The following PARD3B variants were observed in gnomAD, a reference collection of about 807,000 sequenced individuals.
PARD3B encodes par-3 family cell polarity regulator beta.
A neutral mutation model predicts 130.2 loss-of-function variants in PARD3B; 103 were observed. The ratio of observed to expected loss-of-function variants is 0.79; its 90% CI spans 0.67 to 0.93. The LOEUF is 0.93. Among genes scored for constraint, PARD3B ranks in the 40% least tolerant of loss-of-function variants. The pLI, the probability that PARD3B is intolerant of heterozygous loss-of-function variation, is 0.00. For missense variants in PARD3B, 1,609 were observed against 1,499.2 expected (o/e 1.07, Z -1.21); for synonymous variants, 583 against 553.2 (o/e 1.05, Z -0.76).
chr2:205,231,525 TG>T (rs1453204192), intron 15 of PARD3B, among the ~76,000 whole-genome samples: 1 of 148,206 alleles, frequency 6.7e-6, no homozygotes, highest in Non-Finnish European at 1.5e-5. Flanking sequence ...TTTGTAGAGA[TG>T]GGGTTTTGCC....
At chr2:204,754,948 C>G in intron 2 of PARD3B, among the ~76,000 whole-genome samples, 1 of 152,056 alleles carries the variant, frequency 6.6e-6, no homozygotes, top group South Asian at 2.1e-4. Context: ...TTTTGAAAAC[C>G]GAGTTCCTCA....
intron 1 of PARD3B, among the ~76,000 whole-genome samples, chr2:204,596,303 C>T (rs2033286123): frequency 6.6e-6 from 1 of 152,210 alleles, no homozygotes; most frequent in South Asian, 2.1e-4. Context: ...TCATTAACCA[C>T]TGATCAATGT....
At chr2:204,612,218 C>T (rs1011689242) in intron 1 of PARD3B, among the ~76,000 whole-genome samples, 6 of 152,174 alleles carry the variant, frequency 3.9e-5, no homozygotes, top group South Asian at 2.1e-4. Context: ...GTTGTTGCCT[C>T]GATGTAGAAT....
At position 205,265,292 on chromosome 2, in the gene PARD3B, G is replaced by A. The variant is rs928022329; in HGVS notation, c.2185+19470G>A. 7.2e-5 allele frequency among the ~76,000 whole-genome samples: 11 copies of A among 152,008 alleles called. No individual in the cohort carries two copies. The highest frequency in any genetic ancestry group is 1.3e-4 in the Non-Finnish European group (9 of 67,926). On this transcript the variant is annotated intron_variant, in intron 16 of 22. Transcript: ENST00000406610. This position sits in a 1 kb window ranked among gnomAD's most constrained non-coding sequence, Gnocchi z 4.3. ...TACACACGAGCCTTCAGGGAAGATT[G>A]GGGTGATACATGGAATCGATGCACT...
chr2:205,553,164 CA>C (rs1575341169), intron 21 of PARD3B, among the ~76,000 whole-genome samples, 159 bp from the exon 22 acceptor site: 1 of 152,318 alleles, frequency 6.6e-6, no homozygotes, highest in East Asian at 1.9e-4. Flanking sequence ...GTGGCTTGAT[CA>C]TCAATTCCTA....
At chr2:205,439,464 A>G (rs952259768) in intron 19 of PARD3B, among the ~76,000 whole-genome samples, 2 of 152,216 alleles carry the variant, frequency 1.3e-5, no homozygotes, top group South Asian at 2.1e-4. Flanking sequence ...AAGAGGCTAT[A>G]GTGACCTTTC....
intron 1 of PARD3B, among the ~76,000 whole-genome samples, chr2:204,568,089 T>C (rs1321819500): frequency 6.6e-6 from 1 of 152,168 alleles, no homozygotes; most frequent in East Asian, 1.9e-4. Flanking sequence ...AAAGGGCAAA[T>C]AACCTTTTAG....
chr2:205,349,112 T>A (rs751398320), intron 18 of PARD3B, among the ~76,000 whole-genome samples: 2 of 152,192 alleles, frequency 1.3e-5, no homozygotes, highest in African/African-American at 2.4e-5. Context: ...CTCCTGCACA[T>A]CCTTGTGTGA....
At chr2:204,745,687 G>C (rs950650760) in intron 2 of PARD3B, among the ~76,000 whole-genome samples, 7 of 152,086 alleles carry the variant, frequency 4.6e-5, no homozygotes, top group Non-Finnish European at 8.8e-5. Context: ...ACAGGCATGA[G>C]CCACCATGCC....
At position 204,915,630 on chromosome 2, in the gene PARD3B, A is replaced by G. The variant is rs144322614; in HGVS notation, c.223-49522A>G. ...AAAAAACCTACAAGTAAACATAAAG[A>G]TATTTTAGTGAGCTTAACTTTCTCA... is the stretch of plus-strand genomic sequence containing the variant. On this transcript the variant is annotated intron_variant, in intron 2 of 22. Transcript: ENST00000406610. Among the ~76,000 whole-genome samples the G allele has an allele frequency of 1.1e-3, 162 of 152,334 alleles. 2 individuals carry two copies. The highest frequency in any genetic ancestry group is 3.4e-3 in the African/African-American group (142 of 41,564).
chr2:205,403,527 C>A (rs559979767), intron 19 of PARD3B, among the ~76,000 whole-genome samples: 1,696 of 151,224 alleles, frequency 0.011, 12 homozygotes, highest in Non-Finnish European at 0.014. Context: ...AAAAAAAAAA[C>A]CAAATTCAAC....
rs1175309898 is a variant in PARD3B at position 205,241,796 on chromosome 2, T to C, written c.2141-3982T>C. ...TGTTTAAAATGACACACCTGTCACA[T>C]TTCATATCACTACCATTCCAATCAC... On this transcript the variant is annotated intron_variant, in intron 15 of 22. Coordinates refer to ENST00000406610, the MANE Select transcript of PARD3B (RefSeq NM_001302769.2). The surrounding 1 kb of genome is among the most constrained non-coding windows in gnomAD (Gnocchi z 4.2). 6.6e-6 allele frequency among the ~76,000 whole-genome samples: 1 copy of C among 152,174 alleles called. No individual in the cohort carries two copies. The highest frequency in any genetic ancestry group is 1.5e-5 in the Non-Finnish European group (1 of 67,996).
In PARD3B at chr2:205,447,249, A is replaced by G. The variant is rs1575047442; in HGVS notation, c.3044+6577A>G. 1.3e-5 allele frequency among the ~76,000 whole-genome samples: 2 copies of G among 152,290 alleles called. 1 individual carries two copies. The highest frequency in any genetic ancestry group is 4.8e-5 in the African/African-American group (2 of 41,554). ...GTTTATACAGCCCATTTTGGAGACCACTGGTCTCAGCTTCAGGCTTCAGGG... is the reference window on the plus strand; with the variant it reads ...GTTTATACAGCCCATTTTGGAGACCGCTGGTCTCAGCTTCAGGCTTCAGGG... On this transcript the variant is annotated intron_variant, in intron 20 of 22. Transcript: ENST00000406610.
intron 10 of PARD3B, among the ~76,000 whole-genome samples, chr2:205,145,631 T>C (rs530884822): frequency 4.6e-5 from 7 of 152,168 alleles, no homozygotes; most frequent in East Asian, 1.9e-4. Context: ...CCTCTGCTCC[T>C]TTCCCTCTAG....
At chr2:204,604,989 G>T (rs893698267) in intron 1 of PARD3B, among the ~76,000 whole-genome samples, 1 of 152,072 alleles carries the variant, frequency 6.6e-6, no homozygotes, top group Non-Finnish European at 1.5e-5. Context: ...GCTGGGCCCA[G>T]CTGGGACCCT....
chr2:204,993,928 C>G (rs1317045981), intron 3 of PARD3B, among the ~76,000 whole-genome samples: 1 of 151,568 alleles, frequency 6.6e-6, no homozygotes, highest in Non-Finnish European at 1.5e-5. Context: ...TGGTGATATC[C>G]CCTTTATCAT....
chr2:204,765,713 A>T (rs1390639414), intron 2 of PARD3B, among the ~76,000 whole-genome samples: 2 of 152,204 alleles, frequency 1.3e-5, no homozygotes, highest in Non-Finnish European at 2.9e-5. Context: ...TGGGAAATTG[A>T]AGTAGAACAT....
chr2:205,575,399 T>A lies in PARD3B; in HGVS notation c.3260+21996T>A, dbSNP rs1482077708. On this transcript the variant is annotated intron_variant, in intron 22 of 22. Coordinates refer to ENST00000406610, the MANE Select transcript of PARD3B (RefSeq NM_001302769.2). The surrounding 1 kb of genome is among the most constrained non-coding windows in gnomAD (Gnocchi z 4.6). ...CATCATAATCACCCAAAGCCCATAG[T>A]TTACATTAGCGCTCTCTCGGTGTTG... Among the ~76,000 whole-genome samples, 1 of 151,948 alleles carries A rather than the reference T, an allele frequency of 6.6e-6. No individual in the cohort carries two copies. Among genetic ancestry groups the A allele is most frequent in the Non-Finnish European group, 1.5e-5 (1 of 67,996 alleles).
intron 13 of PARD3B, among the ~76,000 whole-genome samples, chr2:205,178,653 T>G (rs1346857891): frequency 1.3e-5 from 2 of 152,202 alleles, no homozygotes. Flanking sequence ...CATTTAATTC[T>G]CTAGCAACGT....
Sources: gnomAD v4.1 joint callset for allele counts (sites outside exome capture counted in the v4.1 genomes callset) on GRCh38, gnomAD v4.1.1 for gene constraint, Gnocchi (gnomAD v3.1) non-coding constraint, MANE v1.5 for transcripts, NCBI Gene and HGNC (gene_info 2026-07-23, HGNC 2026-07-21) for gene names.